Variants in HMCN1 observed in about 807,000 individuals in gnomAD.
The protein encoded by HMCN1 is hemicentin-1.
Under a neutral mutation model 625.9 loss-of-function variants are expected in HMCN1, and 321 were observed. The ratio of observed to expected loss-of-function variants is 0.51; its 90% CI spans 0.47 to 0.56. The LOEUF is 0.56. HMCN1 is among the 20% of genes least tolerant of loss of function. HMCN1 has a pLI of 0.00. For missense variants in HMCN1, 6,588 were observed against 6,887.3 expected (o/e 0.96, Z 1.54); for synonymous variants, 2,425 against 2,417.6 (o/e 1.00, Z -0.09).
At chr1:185,915,407 A>G (rs1218575365) in intron 6 of HMCN1, among the ~76,000 whole-genome samples, 1 of 152,028 alleles carries the variant, frequency 6.6e-6, no homozygotes. Flanking sequence ...TTTTTAAAGG[A>G]AACTCCCTGC....
At chr1:185,758,265 A>C (rs1427170593) in intron 1 of HMCN1, among the ~76,000 whole-genome samples, 1 of 152,212 alleles carries the variant, frequency 6.6e-6, no homozygotes, top group Admixed American at 6.5e-5. Flanking sequence ...TTTTAAAAAA[A>C]TTATTTAACT....
intron 1 of HMCN1, among the ~76,000 whole-genome samples, chr1:185,811,072 A>G (rs1219682609): frequency 6.6e-6 from 1 of 152,130 alleles, no homozygotes; most frequent in Non-Finnish European, 1.5e-5. Context: ...TCAATCTGAA[A>G]TTTTTTGTGT....
intron 1 of HMCN1, among the ~76,000 whole-genome samples, chr1:185,788,240 T>A (rs948311989): frequency 6.6e-6 from 1 of 152,272 alleles, no homozygotes; most frequent in Non-Finnish European, 1.5e-5. Flanking sequence ...TAGCTTCATT[T>A]ATGCATTTAT....
At chr1:186,032,387 T>A (rs1252418813) in intron 36 of HMCN1, among the ~76,000 whole-genome samples, 2 of 152,136 alleles carry the variant, frequency 1.3e-5, no homozygotes, top group Non-Finnish European at 2.9e-5. Context: ...CAAGAGTGGC[T>A]GATATGGTTT....
At chr1:186,028,580 C>G (rs932075878) in intron 36 of HMCN1, among the ~76,000 whole-genome samples, 3 of 152,106 alleles carry the variant, frequency 2.0e-5, no homozygotes, top group African/African-American at 7.2e-5. Flanking sequence ...AACAATCCCC[C>G]CAAGAATCAG....
At chr1:186,082,631 T>C (rs894304019) in intron 56 of HMCN1, among the ~76,000 whole-genome samples, 22 of 152,258 alleles carry the variant, frequency 1.4e-4, no homozygotes, top group Non-Finnish European at 2.4e-4. Flanking sequence ...GGACATTTTT[T>C]TTCTAGTCAA....
rs534027924 is a variant in HMCN1 at position 186,048,246 on chromosome 1, T to C, written c.6481-497T>C. On this transcript the variant is annotated intron_variant, in intron 41 of 106. Coordinates refer to ENST00000271588, the MANE Select transcript of HMCN1 (RefSeq NM_031935.3). ...TAAATACATGAAAAATATTTACTGATACTAATTCATCTGCCAAGCACCAAA... is the reference window on the plus strand; with the variant it reads ...TAAATACATGAAAAATATTTACTGACACTAATTCATCTGCCAAGCACCAAA... Among the ~76,000 whole-genome samples the C allele has an allele frequency of 2.0e-5, 3 of 152,120 alleles. No individual in the cohort carries two copies. The South Asian group carries it at 6.2e-4, about 31-fold the overall frequency.
intron 55 of HMCN1, among the ~76,000 whole-genome samples, chr1:186,079,769 C>A (rs1461354466): frequency 6.6e-6 from 1 of 152,084 alleles, no homozygotes; most frequent in Non-Finnish European, 1.5e-5. Flanking sequence ...CTGTTATTTT[C>A]AATTAGGAAG....
At chr1:186,070,547 T>G in intron 51 of HMCN1, 65 bp from the exon 52 acceptor site, 1 of 1,374,754 alleles carries the variant, frequency 7.3e-7, no homozygotes, top group Non-Finnish European at 1.0e-6. Flanking sequence ...CTCAGTGTGA[T>G]TTCTGTGGTA....
chr1:185,866,530 G>A (rs796483595), intron 4 of HMCN1, among the ~76,000 whole-genome samples: 79 of 149,126 alleles, frequency 5.3e-4, no homozygotes, highest in African/African-American at 1.8e-3. Context: ...TCAGCCTCCC[G>A]AGTAGCTGGG....
chr1:186,056,390 A>G (rs1261581747), intron 45 of HMCN1, among the ~76,000 whole-genome samples: 1 of 151,990 alleles, frequency 6.6e-6, no homozygotes, highest in African/African-American at 2.4e-5. Flanking sequence ...GAATTAGATG[A>G]TTGATTTTTT....
At chr1:185,912,459 C>T (rs10465497) in intron 6 of HMCN1, among the ~76,000 whole-genome samples, 23,914 of 151,998 alleles carry the variant, frequency 0.16, 6,190 homozygotes, top group African/African-American at 0.54. Flanking sequence ...TTTGGCAGTA[C>T]GGAGGAAAAA....
At chr1:186,073,407 A>G (rs1658594673) in intron 52 of HMCN1, among the ~76,000 whole-genome samples, 1 of 152,156 alleles carries the variant, frequency 6.6e-6, no homozygotes, top group Non-Finnish European at 1.5e-5. Flanking sequence ...AAGTATAGAA[A>G]ATATTTTTAA....
At chr1:186,033,353 C>T (rs981721972) in intron 36 of HMCN1, among the ~76,000 whole-genome samples, 11 of 152,030 alleles carry the variant, frequency 7.2e-5, no homozygotes, top group East Asian at 1.9e-4. Context: ...ATATACTGTT[C>T]GAGTGATGGG....
chr1:185,851,526 C>T (rs938885279), intron 2 of HMCN1, among the ~76,000 whole-genome samples: 2 of 152,042 alleles, frequency 1.3e-5, no homozygotes, highest in African/African-American at 4.8e-5. Context: ...ATCTGGAATA[C>T]AGAGAAGTAA....
chr1:185,757,959 T>C (rs146877732), intron 1 of HMCN1, among the ~76,000 whole-genome samples: 19 of 152,304 alleles, frequency 1.2e-4, no homozygotes, highest in Middle Eastern at 6.8e-3. Flanking sequence ...GAGGGCAGAA[T>C]TGAAGGCAAA....
chr1:186,065,337 C>T lies in HMCN1; in HGVS notation c.7613C>T (p.Thr2538Ile). The T allele has an allele frequency of 6.2e-7, 1 of 1,612,540 alleles. No homozygotes were observed. The highest frequency in any genetic ancestry group is 8.5e-7 in the Non-Finnish European group (1 of 1,179,694). The change falls in exon 49 of 107, where the codon ACC becomes ATC. Residue 2538 changes from threonine (T) to isoleucine (I), a missense_variant. Physicochemically the swap from Thr to Ile is moderately conservative, Grantham distance 89. Transcript: ENST00000271588. The part of the protein sequence containing the change: ...IISGGRFLQI[T>I]NVQVPHTGRY... ...TCTGGTGGCCGTTTTCTTCAAATTA[C>T]CAATGTCCAGGTGCCACACACTGGA...
intron 48 of HMCN1, among the ~76,000 whole-genome samples, chr1:186,063,497 GGAAGGAAGGA>G (rs1260384830): frequency 6.9e-6 from 1 of 143,992 alleles, no homozygotes; most frequent in Admixed American, 6.8e-5. Context: ...AAGGAAGGAA[GGAAGGAAGGA>G]AGGAAGGGAG....
intron 59 of HMCN1, 39 bp downstream of exon 59, chr1:186,087,369 A>G (rs1659562113): frequency 1.2e-6 from 2 of 1,601,212 alleles, no homozygotes; most frequent in Admixed American, 1.7e-5. Flanking sequence ...TTTTATTTTA[A>G]AACTGGTATT....
Sources: allele counts gnomAD v4.1 joint callset (sites outside exome capture counted in the v4.1 genomes callset), GRCh38; gene constraint gnomAD v4.1.1; transcripts MANE v1.5; gene names NCBI Gene and HGNC (gene_info 2026-07-23, HGNC 2026-07-21).